ARHGEF10L: variants seen among roughly 807,000 people sequenced by gnomAD.
ARHGEF10L encodes the protein Rho guanine nucleotide exchange factor 10 like.
ARHGEF10L carries 69 observed loss-of-function variants against 141.2 expected under a neutral mutation model. The ratio of observed to expected loss-of-function variants is 0.49; its 90% CI spans 0.40 to 0.60. The LOEUF is 0.60. Ranked by LOEUF, ARHGEF10L falls within the 20% of genes least tolerant of loss-of-function variation. The pLI is 0.00. For synonymous variants in ARHGEF10L, 711 were observed against 718.5 expected, an observed-to-expected ratio of 0.99 and a Z score of 0.17; for missense variants, 1,482 against 1,734.3, an observed-to-expected ratio of 0.85 and a Z score of 2.58.
chr1:17,622,047 C>G, intron 11 of ARHGEF10L, 106 bp downstream of exon 11: 1 of 1,168,450 alleles, frequency 8.6e-7, no homozygotes, highest in South Asian at 1.3e-5. Context: ...TTTAAGGGGA[C>G]AGGACCATAA....
chr1:17,590,843 C>T (rs184954162), intron 4 of ARHGEF10L, among the ~76,000 whole-genome samples: 14 of 152,204 alleles, frequency 9.2e-5, no homozygotes, highest in East Asian at 3.9e-4. Flanking sequence ...AAAAATTAGC[C>T]GGTCCTGGTG....
At chr1:17,685,292 C>T (rs1229872433) in intron 26 of ARHGEF10L, among the ~76,000 whole-genome samples, 2 of 152,198 alleles carry the variant, frequency 1.3e-5, no homozygotes, top group Admixed American at 1.3e-4. Flanking sequence ...CTAAACTGTT[C>T]CCCATGGATT....
chr1:17,622,291 A>T (rs1463887247), intron 11 of ARHGEF10L, among the ~76,000 whole-genome samples: 1 of 152,052 alleles, frequency 6.6e-6, no homozygotes, highest in Non-Finnish European at 1.5e-5. Context: ...TGGGATCCTT[A>T]GTTGGGAAGA....
chr1:17,646,109 G>A (rs1284171460), intron 21 of ARHGEF10L, among the ~76,000 whole-genome samples: 1 of 152,236 alleles, frequency 6.6e-6, no homozygotes, highest in South Asian at 2.1e-4. Flanking sequence ...TCAGGCCGGA[G>A]GGTGTGAGCC....
intron 1 of ARHGEF10L, among the ~76,000 whole-genome samples, chr1:17,578,124 T>G (rs1453168394): frequency 6.6e-6 from 1 of 152,182 alleles, no homozygotes; most frequent in African/African-American, 2.4e-5. Flanking sequence ...CCTCCCTTTT[T>G]CCTTCTGTAA....
intron 7 of ARHGEF10L, among the ~76,000 whole-genome samples, chr1:17,609,625 T>C (rs2059439529): frequency 6.6e-6 from 1 of 152,104 alleles, no homozygotes; most frequent in Non-Finnish European, 1.5e-5. Flanking sequence ...CTTCAAAACA[T>C]AATGAAGACA....
chr1:17,611,163 T>G (rs2101090670), intron 7 of ARHGEF10L, among the ~76,000 whole-genome samples: 1 of 152,294 alleles, frequency 6.6e-6, no homozygotes, highest in South Asian at 2.1e-4. Context: ...TAACATTTCC[T>G]AGTTCTTCTG....
In ARHGEF10L at chr1:17,558,186, C is replaced by T. The variant is rs1446972035; in HGVS notation, c.-44+18236C>T. On this transcript the variant is annotated intron_variant, in intron 1 of 28. Coordinates refer to ENST00000361221, the MANE Select transcript of ARHGEF10L (RefSeq NM_018125.4). The surrounding 1 kb of genome is among the most constrained non-coding windows in gnomAD (Gnocchi z 4.2). Reference sequence around the variant, plus strand: ...CCATCTATGCATCCATCCATCCATCCACCCATCCATCCATCCATCCATCCA... The same window carrying T: ...CCATCTATGCATCCATCCATCCATCTACCCATCCATCCATCCATCCATCCA... 6.6e-6 allele frequency among the ~76,000 whole-genome samples: 1 copy of T among 152,004 alleles called. No individual in the cohort carries two copies. The highest frequency in any genetic ancestry group is 1.5e-5 in the Non-Finnish European group (1 of 67,994).
At chr1:17,554,635 G>C (rs980431658) in intron 1 of ARHGEF10L, among the ~76,000 whole-genome samples, 9 of 146,750 alleles carry the variant, frequency 6.1e-5, no homozygotes, top group Admixed American at 5.5e-4. Flanking sequence ...GCCCAGGCTG[G>C]AACACAGTGG....
At chr1:17,650,476 TA>T (rs1172081752) in intron 22 of ARHGEF10L, among the ~76,000 whole-genome samples, 1 of 152,036 alleles carries the variant, frequency 6.6e-6, no homozygotes, top group African/African-American at 2.4e-5. Context: ...CTCACGTCTG[TA>T]ATCCCAGGAT....
chr1:17,549,484 G>T (rs1282328780), intron 1 of ARHGEF10L, among the ~76,000 whole-genome samples: 1 of 152,170 alleles, frequency 6.6e-6, no homozygotes, highest in Non-Finnish European at 1.5e-5. Context: ...GGGGGTACAG[G>T]ATTCGTTAGC....
intron 1 of ARHGEF10L, among the ~76,000 whole-genome samples, chr1:17,577,744 C>T (rs1397499055): frequency 4.6e-5 from 7 of 152,370 alleles, no homozygotes; most frequent in African/African-American, 1.4e-4. Flanking sequence ...GGTCAGTGCT[C>T]ACTGGCTGGA....
At chr1:17,688,618 AG>A (rs2064817825) in intron 27 of ARHGEF10L, among the ~76,000 whole-genome samples, 1 of 152,218 alleles carries the variant, frequency 6.6e-6, no homozygotes, top group South Asian at 2.1e-4. Flanking sequence ...CCCTCGGGCC[AG>A]GGAAACACAG....
At chr1:17,597,741 G>A (rs2080252014) in intron 4 of ARHGEF10L, among the ~76,000 whole-genome samples, 1 of 152,154 alleles carries the variant, frequency 6.6e-6, no homozygotes, top group Non-Finnish European at 1.5e-5. Context: ...CTATGCTGTG[G>A]GGACCCCCAT....
At chr1:17,581,339 A>G (rs2078544736) in intron 2 of ARHGEF10L, among the ~76,000 whole-genome samples, 1 of 148,976 alleles carries the variant, frequency 6.7e-6, no homozygotes, top group Non-Finnish European at 1.5e-5. Context: ...AAAAGAAAAG[A>G]GAAAAAGAAA....
rs1270237194 is a variant in ARHGEF10L, at chr1:17,619,910, T to C, written c.942+465T>C. On this transcript the variant is annotated intron_variant, in intron 10 of 28. Transcript: ENST00000361221. This position sits in a 1 kb window ranked among gnomAD's most constrained non-coding sequence, Gnocchi z 5.0. ...GCTCTTTAAGAATGGCTTCCTTGGC[T>C]GGGTGCGGTGGCTCATGCCTGTAAC... Among the ~76,000 whole-genome samples, 1 of 152,010 alleles carries C rather than the reference T, an allele frequency of 6.6e-6. No individual in the cohort carries two copies. Among genetic ancestry groups the C allele is most frequent in the African/African-American group, 2.4e-5 (1 of 41,406 alleles).
At position 17,654,717 on chromosome 1, in the gene ARHGEF10L, C is replaced by A; in HGVS notation, c.2476C>A (p.Leu826Ile). ...CAGCACCTCCCTTCCACAGGGCTACCTCTGGGTGAGTCACCCCCCTGCCCA... is the reference window on the plus strand; with the variant it reads ...CAGCACCTCCCTTCCACAGGGCTACATCTGGGTGAGTCACCCCCCTGCCCA... ...AVSTSLPQGY[L>I]WVGGGQEGAG... Residue 826 changes from leucine (L) to isoleucine (I), a missense_variant, in exon 23 of 29, where the codon CTC becomes ATC. Transcript: ENST00000361221. The surrounding 1 kb of genome is among the most constrained non-coding windows in gnomAD (Gnocchi z 4.3). 6.2e-7 allele frequency: 1 copy of A among 1,613,958 alleles called. No homozygotes were observed. The highest frequency in any genetic ancestry group is 1.1e-5 in the South Asian group (1 of 91,082).
In ARHGEF10L at chr1:17,618,882, A is replaced by G. The variant is rs1380543630; in HGVS notation, c.836-457A>G. ...CTCTGCATGTTTTATTTCAAAAGGA[A>G]AGTGCCAAACCACGCTGCCCTGTTC... On this transcript the variant is annotated intron_variant, in intron 9 of 28. Coordinates refer to ENST00000361221, the MANE Select transcript of ARHGEF10L (RefSeq NM_018125.4). Among the ~76,000 whole-genome samples the G allele has an allele frequency of 2.6e-5, 4 of 152,154 alleles. No individual in the cohort carries two copies. The South Asian group carries it at 8.3e-4, about 32-fold the overall frequency.
At chr1:17,618,415 G>A (rs923992640) in intron 9 of ARHGEF10L, 9 of 1,537,580 alleles carry the variant, frequency 5.9e-6, no homozygotes, top group Non-Finnish European at 7.9e-6. Flanking sequence ...TGGGTGCGGA[G>A]TGATGCCCGG....
Sources: gnomAD v4.1 joint callset for allele counts (sites outside exome capture counted in the v4.1 genomes callset) on GRCh38, gnomAD v4.1.1 for gene constraint, Gnocchi (gnomAD v3.1) non-coding constraint, MANE v1.5 for transcripts, NCBI Gene and HGNC (gene_info 2026-07-23, HGNC 2026-07-21) for gene names.